The following ADSL variants were observed in gnomAD, a reference collection of about 807,000 sequenced individuals.
The protein encoded by ADSL is adenylosuccinate lyase.
A neutral mutation model predicts 62.1 loss-of-function variants in ADSL; 44 were observed. That is an observed-to-expected ratio of 0.71 (90% CI 0.56 to 0.91). ADSL has a LOEUF of 0.91. Ranked by LOEUF, ADSL falls within the 40% of genes least tolerant of loss-of-function variation. The pLI is 0.00. For synonymous variants in ADSL, 198 were observed against 220.5 expected (o/e 0.90, Z 0.90); for missense variants, 531 against 627.4 (o/e 0.85, Z 1.64).
chr22:40,377,088 T>C (rs1438244061), intron 2 of ADSL, among the ~76,000 whole-genome samples: 2 of 152,198 alleles, frequency 1.3e-5, no homozygotes, highest in Non-Finnish European at 2.9e-5. Flanking sequence ...AGCATCACAT[T>C]TTGAGAAAAT....
chr22:40,356,990 G>A (rs2044585928), intron 4 of ADSL, among the ~76,000 whole-genome samples: 1 of 152,124 alleles, frequency 6.6e-6, no homozygotes, highest in Admixed American at 6.5e-5. Context: ...CAGCTTCCCG[G>A]ATTCAAGTGA....
intron 2 of ADSL, among the ~76,000 whole-genome samples, chr22:40,383,833 C>T (rs1297566433): frequency 1.3e-5 from 2 of 152,122 alleles, no homozygotes; most frequent in African/African-American, 4.8e-5. Context: ...GAGATTTTGA[C>T]AGTGGCCCAG....
Position 40,361,571 on chromosome 22 carries a change from A to C in ADSL, c.946A>C (p.Met316Leu). The part of the protein sequence containing the change: ...SLARHLMTLV[M>L]DPLQTASVQW... ...TGCCCGCCACCTGATGACCCTTGTC[A>C]TGGACCCGCTACAGACAGCATCTGT... Residue 316 changes from methionine (M) to leucine (L), a missense_variant, in exon 9 of 13, where the codon ATG becomes CTG. This residue lies in a region of ADSL where 471 missense variants were observed against 592.9 expected (regional missense o/e 0.79). Coordinates refer to ENST00000623063, the MANE Select transcript of ADSL (RefSeq NM_000026.4). 1 of 1,614,216 alleles carries C rather than the reference A, an allele frequency of 6.2e-7. No individual in the cohort carries two copies. Among genetic ancestry groups the C allele is most frequent in the Non-Finnish European group, 8.5e-7 (1 of 1,180,046 alleles).
In ADSL at chr22:40,386,847, A is replaced by G. The variant is rs2048545660; in HGVS notation, c.90-3383A>G. Among the ~76,000 whole-genome samples, 4 of 152,062 alleles carry G rather than the reference A, an allele frequency of 2.6e-5. No homozygotes were observed. The South Asian group carries it at 8.3e-4, about 32-fold the overall frequency. On this transcript the variant is annotated intron_variant, in intron 2 of 2. Coordinates refer to the ADSL transcript ENST00000498234. ...TACTAAAGAAGTTAATGGTCTCTAA[A>G]TATAGGTGCAGATCTGTTAGAGAAG...
At chr22:40,370,771 G>T (rs151215336), downstream of ADSL, 1,890 of 152,552 alleles carry the variant, frequency 0.012, 19 homozygotes, top group Non-Finnish European at 0.02. Flanking sequence ...GGCTGTGGTC[G>T]GACTGTCCGA....
chr22:40,360,484 G>A lies in ADSL; in HGVS notation c.784G>A (p.Val262Met), dbSNP rs1396380736. The change falls in exon 7 of 13, where the codon GTG becomes ATG. Residue 262 changes from valine (V) to methionine (M), a missense_variant. Coordinates refer to ENST00000623063, the MANE Select transcript of ADSL (RefSeq NM_000026.4). ...LSVLASLGAS[V>M]HKICTDIRLL... is the part of the protein sequence containing the mutation. ...TGTGCTGGCTAGCTTGGGGGCATCAGTGCACAAGGTGAGTGGTGGCAGCAT... is the reference window on the plus strand; with the variant it reads ...TGTGCTGGCTAGCTTGGGGGCATCAATGCACAAGGTGAGTGGTGGCAGCAT... 1.2e-6 allele frequency: 2 copies of A among 1,613,816 alleles called. No homozygotes were observed. Among genetic ancestry groups the A allele is most frequent in the South Asian group, 1.1e-5 (1 of 91,090 alleles).
downstream of ADSL, among the ~76,000 whole-genome samples, chr22:40,373,928 AT>A (rs2046061389): frequency 6.8e-6 from 1 of 147,996 alleles, no homozygotes; most frequent in African/African-American, 2.5e-5. Context: ...AGGGTGGTTT[AT>A]TTATTTTTAT....
rs924338136 is a variant in ADSL at position 40,366,459 on chromosome 22, G to C, written c.1392G>C (p.Glu464Asp). Reference sequence around the variant, plus strand: ...AGGTGCAGAGATTCTTAGAAGAGGAGGTGTATCCCCTGTTAAAACCATATG... The same window carrying C: ...AGGTGCAGAGATTCTTAGAAGAGGACGTGTATCCCCTGTTAAAACCATATG... Reference protein sequence around the residue: ...SQQVQRFLEEEVYPLLKPYES... With the variant: ...SQQVQRFLEEDVYPLLKPYES... Residue 464 changes from glutamate (E) to aspartate (D), a missense_variant, in exon 13 of 13, where the codon GAG (glutamate) becomes GAC (aspartate). By Grantham distance (45) the Glu-to-Asp change is conservative. Around this residue, in one of 2 missense-constraint regions of ADSL, gnomAD observed 471 missense variants for 592.9 expected, o/e 0.79. Transcript: ENST00000623063. The C allele has an allele frequency of 1.5e-5, 24 of 1,612,848 alleles. No individual in the cohort carries two copies. The highest frequency in any genetic ancestry group is 2.0e-5 in the Non-Finnish European group (23 of 1,178,862).
intron 2 of ADSL, among the ~76,000 whole-genome samples, chr22:40,384,998 T>G (rs1199291894): frequency 6.6e-6 from 1 of 152,206 alleles, no homozygotes; most frequent in African/African-American, 2.4e-5. Flanking sequence ...GTGGGGAATG[T>G]CTTTTTTGGG....
At chr22:40,383,401 A>G (rs929440540) in intron 2 of ADSL, among the ~76,000 whole-genome samples, 4 of 150,440 alleles carry the variant, frequency 2.7e-5, no homozygotes, top group Non-Finnish European at 5.9e-5. Flanking sequence ...TGGGAGGTGG[A>G]GCTCGCAGTG....
chr22:40,361,288 C>T lies in ADSL; in HGVS notation c.808C>T (p.Arg270Cys), dbSNP rs181252862. The T allele has an allele frequency of 3.2e-5, 52 of 1,614,148 alleles. No homozygotes were observed. Among genetic ancestry groups the T allele is most frequent in the Non-Finnish European group, 3.8e-5 (45 of 1,180,016 alleles). The change falls in exon 8 of 13, where the codon CGC becomes TGC. Residue 270 changes from arginine (R) to cysteine (C), a missense_variant. Arg to Cys is a radical substitution (Grantham distance 180, BLOSUM62 -3). Coordinates refer to ENST00000623063, the MANE Select transcript of ADSL (RefSeq NM_000026.4). The stretch of plus-strand genomic sequence containing the variant: ...CCTCCCCCAGATTTGCACCGACATA[C>T]GCCTCCTGGCAAACCTCAAGGAGAT... Reference protein sequence around the residue: ...ASVHKICTDIRLLANLKEMEE... With the variant: ...ASVHKICTDICLLANLKEMEE...
At chr22:40,361,754 G>A in intron 9 of ADSL, 119 bp downstream of exon 9, 1 of 1,361,448 alleles carries the variant, frequency 7.3e-7, no homozygotes, top group East Asian at 2.4e-5. Context: ...GGATCCCAGA[G>A]TCTAGCAGGG....
chr22:40,385,388 A>G (rs1162670822), intron 2 of ADSL, among the ~76,000 whole-genome samples: 1 of 152,166 alleles, frequency 6.6e-6, no homozygotes, highest in Non-Finnish European at 1.5e-5. Context: ...AGGGTTCAGG[A>G]GATCTAAGTA....
downstream of ADSL, among the ~76,000 whole-genome samples, chr22:40,373,856 C>T (rs530435941): frequency 4.6e-5 from 7 of 152,256 alleles, no homozygotes; most frequent in South Asian, 2.1e-4. Flanking sequence ...CCTCGTGATC[C>T]GCCCTCCTAG....
chr22:40,349,986 C>T lies in ADSL; in HGVS notation c.308C>T (p.Ala103Val). Reference protein sequence around the residue: ...HTFGHCCPKAAGIIHLGATSC... With the variant: ...HTFGHCCPKAVGIIHLGATSC... ...TTTGGCCACTGCTGTCCAAAAGCTGCAGGCATTATTCACCTTGGTGCTACT... is the reference window on the plus strand; with the variant it reads ...TTTGGCCACTGCTGTCCAAAAGCTGTAGGCATTATTCACCTTGGTGCTACT... The change falls in exon 2 of 13, where the codon GCA becomes GTA. Residue 103 changes from alanine (A) to valine (V), a missense_variant. Ala to Val is a moderately conservative substitution (Grantham distance 64). Transcript: ENST00000623063. 1 of 1,614,106 alleles carries T rather than the reference C, an allele frequency of 6.2e-7. No homozygotes were observed. Among genetic ancestry groups the T allele is most frequent in the Non-Finnish European group, 8.5e-7 (1 of 1,179,976 alleles).
intron 2 of ADSL, 33 bp downstream of exon 2, chr22:40,350,068 A>T (rs1249430314): frequency 6.3e-7 from 1 of 1,579,686 alleles, no homozygotes; most frequent in South Asian, 1.1e-5. Context: ...CTTAAAACTC[A>T]GTCTCTAGAA....
chr22:40,355,410 G>A (rs745934198), intron 4 of ADSL, among the ~76,000 whole-genome samples: 18 of 152,104 alleles, frequency 1.2e-4, no homozygotes, highest in South Asian at 2.1e-4. Flanking sequence ...CGCCCACCTC[G>A]GCCTCCCAAA....
intron 3 of ADSL, among the ~76,000 whole-genome samples, chr22:40,353,574 G>A (rs1055694626): frequency 1.1e-4 from 16 of 150,780 alleles, no homozygotes; most frequent in African/African-American, 3.2e-4. Context: ...GTGAGCCACC[G>A]CACCCAGCTG....
chr22:40,364,822 T>A (rs2044936858), intron 11 of ADSL, 58 bp from the exon 12 acceptor site: 2 of 1,578,910 alleles, frequency 1.3e-6, no homozygotes, highest in Admixed American at 1.7e-5. Context: ...GATGACTTTT[T>A]AAAAGTGTTC....
Sources: gnomAD v4.1 joint callset for allele counts (sites outside exome capture counted in the v4.1 genomes callset) on GRCh38, gnomAD v4.1.1 for gene constraint, gnomAD v4.1.1 regional missense constraint, MANE v1.5 for transcripts, NCBI Gene and HGNC (gene_info 2026-07-23, HGNC 2026-07-21) for gene names.